Variants in ZBTB45 observed in about 807,000 individuals in gnomAD.
The protein encoded by ZBTB45 is zinc finger and BTB domain-containing protein 45.
Under a neutral mutation model 28.4 loss-of-function variants are expected in ZBTB45, and 22 were observed. The observed-to-expected ratio is 0.77, with a 90% CI of 0.55 to 1.10. The LOEUF is 1.10. Ranked by LOEUF, ZBTB45 falls within the 50% of genes least tolerant of loss-of-function variation. The pLI, the probability that ZBTB45 is intolerant of heterozygous loss-of-function variation, is 0.00. For synonymous variants in ZBTB45, 361 were observed against 332.3 expected, an observed-to-expected ratio of 1.09 and a Z score of -0.94; for missense variants, 656 against 750.2, an observed-to-expected ratio of 0.87 and a Z score of 1.47.
upstream of ZBTB45, among the ~76,000 whole-genome samples, chr19:58,523,762 C>A (rs2053590952): frequency 7.3e-6 from 1 of 137,416 alleles, no homozygotes; most frequent in Admixed American, 7.0e-5. Context: ...GCTCCGCCTC[C>A]TGGGTTCACG....
upstream of ZBTB45, among the ~76,000 whole-genome samples, chr19:58,522,254 C>T (rs1465346496): frequency 6.6e-6 from 1 of 151,656 alleles, no homozygotes; most frequent in African/African-American, 2.4e-5. Flanking sequence ...CTCCGCCTCA[C>T]AGGTTCAAGC....
chr19:58,533,665 C>T (rs1017387874), intron 1 of ZBTB45, among the ~76,000 whole-genome samples: 2 of 152,080 alleles, frequency 1.3e-5, no homozygotes, highest in African/African-American at 2.4e-5. Context: ...TAGTTGAACA[C>T]TCATCTTTTG....
chr19:58,522,294 T>G (rs1370352564), upstream of ZBTB45, among the ~76,000 whole-genome samples: 1 of 151,630 alleles, frequency 6.6e-6, no homozygotes, highest in Non-Finnish European at 1.5e-5. Context: ...CCTGAGTAGC[T>G]GAGATTACAG....
chr19:58,528,774 G>C (rs150799298), intron 1 of ZBTB45, among the ~76,000 whole-genome samples: 2,272 of 151,418 alleles, frequency 0.015, 58 homozygotes, highest in African/African-American at 0.051. Flanking sequence ...TGCGCCTGTA[G>C]TGCCAGCTAC....
chr19:58,533,249 T>C lies in ZBTB45; in HGVS notation c.-1+5452A>G, dbSNP rs373915018. ...AGCCTCCCAAAGGCATTTTTTCTTA[T>C]GGGGCATTAGTCCCATTATGGGGCC... On this transcript the variant is annotated intron_variant, in intron 1 of 1. Transcript: ENST00000600130. 1.5e-4 allele frequency among the ~76,000 whole-genome samples: 23 copies of C among 152,358 alleles called. No homozygotes were observed. The South Asian group carries it at 4.8e-3, about 32-fold the overall frequency.
intron 1 of ZBTB45, among the ~76,000 whole-genome samples, chr19:58,536,414 C>A (rs1206684214): frequency 6.8e-6 from 1 of 146,808 alleles, no homozygotes; most frequent in African/African-American, 2.5e-5. Flanking sequence ...TGCAGTGAGC[C>A]AAGATCGCGC....
At chr19:58,524,638 C>G (rs1329749948), upstream of ZBTB45, among the ~76,000 whole-genome samples, 1 of 151,930 alleles carries the variant, frequency 6.6e-6, no homozygotes, top group Non-Finnish European at 1.5e-5. Context: ...AATCCCAGCA[C>G]TTTGGGAGGC....
chr19:58,524,502 G>A (rs2053597094), upstream of ZBTB45, among the ~76,000 whole-genome samples: 1 of 148,904 alleles, frequency 6.7e-6, no homozygotes, highest in East Asian at 2.1e-4. Context: ...AACCCTGGTT[G>A]TGGGGGCATT....
chr19:58,537,783 C>A (rs1277700340), intron 1 of ZBTB45, among the ~76,000 whole-genome samples: 1 of 152,102 alleles, frequency 6.6e-6, no homozygotes, highest in Admixed American at 6.6e-5. Context: ...TCCCCCTCTC[C>A]CGTGATTTTG....
intron 1 of ZBTB45, among the ~76,000 whole-genome samples, chr19:58,518,704 TC>T (rs1270890378): frequency 1.3e-5 from 2 of 152,030 alleles, no homozygotes; most frequent in Admixed American, 1.3e-4. Context: ...TCGGCCTGTT[TC>T]CCCTTCTATC....
Position 58,517,248 on chromosome 19 carries a change from CG to C in ZBTB45, c.425del (p.Pro142ArgfsTer181), listed in dbSNP as rs1568643428. On this transcript the variant is annotated frameshift_variant, in exon 2 of 3. Coordinates refer to ENST00000594051, the MANE Select transcript of ZBTB45 (RefSeq NM_001316979.2). LOFTEE classifies it high-confidence loss of function. ...APTPLPTPVP[P>X]PLAPAQLRHR... ...GACGCAGCTGCGCAGGTGCGAGTGG[CG>C]GGGGCACAGGGGTGGGCAGGGGCGT... 1.3e-6 allele frequency: 2 copies of C among 1,551,308 alleles called. No homozygotes were observed. The highest frequency in any genetic ancestry group is 1.4e-5 in the African/African-American group (1 of 72,846).
chr19:58,519,263 C>T (rs909847177), intron 1 of ZBTB45: 1 of 152,330 alleles, frequency 6.6e-6, no homozygotes, highest in Admixed American at 6.5e-5. Flanking sequence ...CTGTATTCAC[C>T]TAGCACCTGA....
chr19:58,523,364 G>A (rs2122580969), upstream of ZBTB45, among the ~76,000 whole-genome samples: 1 of 152,042 alleles, frequency 6.6e-6, no homozygotes, highest in East Asian at 2.0e-4. Flanking sequence ...TGGCCAACAT[G>A]GTGAAACCCG....
intron 1 of ZBTB45, among the ~76,000 whole-genome samples, chr19:58,527,832 TG>T (rs1469850139): frequency 1.3e-5 from 2 of 152,206 alleles, no homozygotes; most frequent in African/African-American, 4.8e-5. Context: ...TATTGGGCCA[TG>T]GCTCACCCCT....
rs182652897 is a variant in ZBTB45 at position 58,534,715 on chromosome 19, C to T, written c.-1+3986G>A. Among the ~76,000 whole-genome samples, 852 of 152,142 alleles carry T rather than the reference C, an allele frequency of 5.6e-3. 9 individuals are homozygous for T. Among genetic ancestry groups the T allele is most frequent in the African/African-American group, 0.019 (794 of 41,480 alleles). ...GGGACTACAGGTGCCCGCCACCACG[C>T]CTGGCTAATTTTTTGTATTTTTAGT... On this transcript the variant is annotated intron_variant, in intron 1 of 1. Coordinates refer to the ZBTB45 transcript ENST00000600130.
chr19:58,534,713 C>T (rs1206181194), intron 1 of ZBTB45, among the ~76,000 whole-genome samples: 1 of 151,992 alleles, frequency 6.6e-6, no homozygotes, highest in East Asian at 1.9e-4. Flanking sequence ...CCCGCCACCA[C>T]GCCTGGCTAA....
Position 58,514,364 on chromosome 19 carries a change from C to G in ZBTB45, c.1280-54G>C, listed in dbSNP as rs1600053853. 3.2e-5 allele frequency: 42 copies of G among 1,323,102 alleles called. No individual in the cohort carries two copies. In the East Asian group the frequency reaches 1.2e-3, roughly 37 times the overall value. The allele number at this position is 1,323,102 out of a possible 1,614,324, so 82.0% of individuals were successfully genotyped here. On this transcript the variant is annotated intron_variant, in intron 2 of 2. Transcript: ENST00000594051. ...CAAGTCAGACTCTACAGCTCCCCGC[C>G]CCCACCCCACCCCACCCCCACCTGG...
chr19:58,523,819 C>T (rs544920584), upstream of ZBTB45, among the ~76,000 whole-genome samples: 1,438 of 119,024 alleles, frequency 0.012, 27 homozygotes, highest in African/African-American at 0.038. Flanking sequence ...TACAGGCGCC[C>T]GCCACCAGGC....
chr19:58,516,559 G>C lies in ZBTB45; in HGVS notation c.1115C>G (p.Thr372Ser), dbSNP rs1183557713. The change falls in exon 2 of 3, where the codon ACT (threonine) becomes AGT (serine). Residue 372 changes from threonine (T) to serine (S), a missense_variant. Coordinates refer to ENST00000594051, the MANE Select transcript of ZBTB45 (RefSeq NM_001316979.2). The surrounding 1 kb of genome is among the most constrained non-coding windows in gnomAD (Gnocchi z 6.2). The part of the protein sequence containing the change: ...PTLQPEAAPS[T>S]QLGEVPAPSA... ...GGGAGCCGGGACCTCCCCCAGCTGA[G>C]TACTGGGGGCTGCCTCGGGCTGGAG... 26 of 1,602,378 alleles carry C rather than the reference G, an allele frequency of 1.6e-5. No homozygotes were observed. The highest frequency in any genetic ancestry group is 2.1e-5 in the Non-Finnish European group (25 of 1,173,998).
Sources: gnomAD v4.1 joint callset for allele counts (sites outside exome capture counted in the v4.1 genomes callset) on GRCh38, gnomAD v4.1.1 for gene constraint, Gnocchi (gnomAD v3.1) non-coding constraint, MANE v1.5 for transcripts, NCBI Gene and HGNC (gene_info 2026-07-23, HGNC 2026-07-21) for gene names.